The following SGCD variants were observed in gnomAD, a reference collection of about 807,000 sequenced individuals.
SGCD encodes sarcoglycan delta.
SGCD carries 18 observed loss-of-function variants against 36.6 expected under a neutral mutation model. That is an observed-to-expected ratio of 0.49 (90% CI 0.34 to 0.73). The LOEUF is 0.73. Among genes scored for constraint, SGCD ranks in the 30% least tolerant of loss-of-function variants. The pLI, the probability that SGCD is intolerant of heterozygous loss-of-function variation, is 0.01. For synonymous variants in SGCD, 133 were observed against 130.6 expected (o/e 1.02, Z -0.12); for missense variants, 387 against 346.7 (o/e 1.12, Z -0.92).
chr5:156,612,826 T>C (rs892304940), intron 6 of SGCD, among the ~76,000 whole-genome samples: 2 of 152,132 alleles, frequency 1.3e-5, no homozygotes, highest in Non-Finnish European at 2.9e-5. Context: ...TAGGTCACAG[T>C]GGATGGAGGT....
chr5:155,783,926 A>C, the SGCD span, among the ~76,000 whole-genome samples: 3 of 152,172 alleles, frequency 2.0e-5, no homozygotes, highest in African/African-American at 4.8e-5. Flanking sequence ...GTTTAGCATG[A>C]TTCGTTGGTC....
At chr5:156,490,212 A>C (rs949938541) in intron 3 of SGCD, among the ~76,000 whole-genome samples, 2 of 152,082 alleles carry the variant, frequency 1.3e-5, no homozygotes, top group African/African-American at 4.8e-5. Flanking sequence ...TTGAATCAGT[A>C]ATTAAAAATC....
At chr5:156,714,393 T>A (rs982499368) in intron 7 of SGCD, among the ~76,000 whole-genome samples, 1 of 152,240 alleles carries the variant, frequency 6.6e-6, no homozygotes, top group Non-Finnish European at 1.5e-5. Context: ...AAGGCTGACA[T>A]GTGCCTTATA....
chr5:156,144,334 A>T (rs1271059829), intron 3 of SGCD, among the ~76,000 whole-genome samples: 1 of 152,036 alleles, frequency 6.6e-6, no homozygotes, highest in African/African-American at 2.4e-5. Context: ...CAATGGTTGA[A>T]CTAGTTTACA....
chr5:155,992,781 G>A (rs1035119098), intron 1 of SGCD, among the ~76,000 whole-genome samples: 3 of 152,130 alleles, frequency 2.0e-5, no homozygotes, highest in African/African-American at 7.2e-5. Flanking sequence ...CCAGAAGGCT[G>A]GGGTTGACTT....
chr5:155,875,527 A>T (rs1755746189), intron 1 of SGCD, among the ~76,000 whole-genome samples: 1 of 152,140 alleles, frequency 6.6e-6, no homozygotes, highest in Admixed American at 6.6e-5. Flanking sequence ...TTAAGGACTC[A>T]TGTAAAACTT....
chr5:156,538,671 G>A (rs1221336526), intron 4 of SGCD, among the ~76,000 whole-genome samples: 2 of 151,984 alleles, frequency 1.3e-5, no homozygotes, highest in Non-Finnish European at 1.5e-5. Context: ...ATCTAGGATT[G>A]TATTAAGTGT....
rs1561685683 is a variant in SGCD, at chr5:156,423,334, A to ATTATATTTTATAATATTATATTTTATT, written c.192+78657_192+78658insTTATATTTTATAATATTATATTTTATT. 3.4e-4 allele frequency among the ~76,000 whole-genome samples: 15 copies of ATTATATTTTATAATATTATATTTTATT among 43,882 alleles called. No individual in the cohort carries two copies. The South Asian group carries it at 0.013, about 39-fold the overall frequency. The allele number at this position is 43,882 out of a possible 152,430, so 28.8% of individuals were successfully genotyped here. A position where few individuals can be genotyped will look rare whatever the true frequency, so the allele number is the denominator to read the frequency against. On this transcript the variant is annotated intron_variant, in intron 3 of 8. Transcript: ENST00000337851. ...ATTATAATATAATATATTTTATTAT[A>ATTATATTTTATAATATTATATTTTATT]ATATAATATATTATAATTTTATTAT...
chr5:155,772,692 C>A, the SGCD span, among the ~76,000 whole-genome samples: 2 of 152,086 alleles, frequency 1.3e-5, no homozygotes, highest in Non-Finnish European at 2.9e-5. Flanking sequence ...TTCTGGGTGG[C>A]TGCATTTGTG....
chr5:156,646,566 A>C (rs17053716), intron 6 of SGCD, among the ~76,000 whole-genome samples: 8,622 of 152,236 alleles, frequency 0.057, 651 homozygotes, highest in East Asian at 0.17. Context: ...ATAACAATGT[A>C]AGAGGATTAC....
intron 6 of SGCD, among the ~76,000 whole-genome samples, chr5:156,641,411 T>C (rs1763021811): frequency 6.6e-6 from 1 of 152,190 alleles, no homozygotes; most frequent in African/African-American, 2.4e-5. Flanking sequence ...AACTTTGGAG[T>C]AACCAGAAAA....
intron 3 of SGCD, among the ~76,000 whole-genome samples, chr5:156,348,791 C>T (rs1343573886): frequency 6.6e-6 from 1 of 151,812 alleles, no homozygotes; most frequent in African/African-American, 2.4e-5. Context: ...TCCAAATGGC[C>T]AAAGTAATTC....
At chr5:156,485,201 CTCTT>C (rs1346403579) in intron 3 of SGCD, among the ~76,000 whole-genome samples, 1 of 152,186 alleles carries the variant, frequency 6.6e-6, no homozygotes. Flanking sequence ...TTTTGTGTAT[CTCTT>C]TCTTCCACAT....
the SGCD span, among the ~76,000 whole-genome samples, chr5:155,782,561 A>T: frequency 6.6e-6 from 1 of 152,140 alleles, no homozygotes. Context: ...TTATATGGTA[A>T]GAGTTCTTAT....
chr5:155,820,738 G>T, the SGCD span, among the ~76,000 whole-genome samples: 1 of 151,922 alleles, frequency 6.6e-6, no homozygotes, highest in African/African-American at 2.4e-5. Context: ...ATGTGACTGC[G>T]CTTTGTGACT....
chr5:156,315,767 G>A (rs564530592), intron 3 of SGCD, among the ~76,000 whole-genome samples: 1 of 152,050 alleles, frequency 6.6e-6, no homozygotes, highest in South Asian at 2.1e-4. Flanking sequence ...ACAGATGTGA[G>A]ATAACTCATT....
intron 7 of SGCD, among the ~76,000 whole-genome samples, chr5:156,721,912 T>C (rs369451268): frequency 9.8e-5 from 15 of 152,314 alleles, no homozygotes; most frequent in African/African-American, 3.6e-4. Context: ...GACTGTCACA[T>C]CTATATCACC....
chr5:156,289,472 C>CT (rs1766701600), intron 3 of SGCD, among the ~76,000 whole-genome samples: 2 of 152,006 alleles, frequency 1.3e-5, no homozygotes, highest in African/African-American at 4.8e-5. Flanking sequence ...CCTCACCCCC[C>CT]ACAGGCCCCG....
Position 156,487,807 on chromosome 5 carries a change from A to AAAAAAAAG in SGCD, c.193-20787_193-20786insGAAAAAAA, listed in dbSNP as rs1561728592. ...TGTCACCAAAAAAAAAAAAAAAAAA[A>AAAAAAAAG]AAAAAAAAAGAAAGAAAGAAAAAGC... On this transcript the variant is annotated intron_variant, in intron 3 of 8. Transcript: ENST00000337851. Among the ~76,000 whole-genome samples the AAAAAAAAG allele has an allele frequency of 5.5e-4, 27 of 49,334 alleles. 2 individuals carry two copies. Among genetic ancestry groups the AAAAAAAAG allele is most frequent in the Middle Eastern group, 0.021 (1 of 48 alleles). The allele number at this position is 49,334 out of a possible 152,430, so 32.4% of individuals were successfully genotyped here.
Sources: allele counts gnomAD v4.1 joint callset (sites outside exome capture counted in the v4.1 genomes callset), GRCh38; gene constraint gnomAD v4.1.1; transcripts MANE v1.5; gene names NCBI Gene and HGNC (gene_info 2026-07-23, HGNC 2026-07-21).